The following EFCAB5 variants were observed in gnomAD, a reference collection of about 807,000 sequenced individuals.
The protein encoded by EFCAB5 is EF-hand calcium-binding domain-containing protein 5.
In EFCAB5, 131 loss-of-function variants were observed where a neutral mutation model predicts 167.9. The ratio of observed to expected loss-of-function variants is 0.78; its 90% CI spans 0.68 to 0.90. EFCAB5 has a LOEUF of 0.90. Ranked by LOEUF, EFCAB5 falls within the 40% of genes least tolerant of loss-of-function variation. The pLI, the probability that EFCAB5 is intolerant of heterozygous loss-of-function variation, is 0.00. For missense variants in EFCAB5, 1,663 were observed against 1,745.2 expected (o/e 0.95, Z 0.84); for synonymous variants, 574 against 602.8 (o/e 0.95, Z 0.70).
chr17:30,014,853 G>A lies in EFCAB5; in HGVS notation c.1044+14877G>A, dbSNP rs1414703419. 4.6e-5 allele frequency among the ~76,000 whole-genome samples: 7 copies of A among 152,232 alleles called. No homozygotes were observed. The East Asian group carries it at 1.3e-3, about 29-fold the overall frequency. ...TGATCCTGTCATTATGATGTTAGCT[G>A]GTTATGTTGCCTGTTAGTTGATGCA... On this transcript the variant is annotated intron_variant, in intron 7 of 22. Transcript: ENST00000394835.
In EFCAB5 at chr17:30,092,078, T is replaced by C. The variant is rs374351955; in HGVS notation, c.4145T>C (p.Ile1382Thr). 13 of 1,613,876 alleles carry C rather than the reference T, an allele frequency of 8.1e-6. No individual in the cohort carries two copies. In the African/African-American group the frequency reaches 1.3e-4, roughly 17 times the overall value. The change falls in exon 21 of 23, where the codon ATC becomes ACC. Residue 1382 changes from isoleucine (I) to threonine (T), a missense_variant. Coordinates refer to ENST00000394835, the MANE Select transcript of EFCAB5 (RefSeq NM_198529.4). Reference protein sequence around the residue: ...LEANVKLVRDILKAVILFFHP... With the variant: ...LEANVKLVRDTLKAVILFFHP... ...GCCAACGTGAAACTAGTGCGTGACA[T>C]CCTGAAGGCGGTTATCTTGTTCTTT...
At chr17:29,985,717 T>C (rs571227564) in intron 4 of EFCAB5, among the ~76,000 whole-genome samples, 9 of 152,312 alleles carry the variant, frequency 5.9e-5, no homozygotes, top group African/African-American at 2.2e-4. Flanking sequence ...AGGAACGCCT[T>C]AGGTGGTTTT....
At chr17:30,077,638 G>A (rs548479335) in intron 14 of EFCAB5, among the ~76,000 whole-genome samples, 1 of 152,276 alleles carries the variant, frequency 6.6e-6, no homozygotes, top group South Asian at 2.1e-4. Context: ...CATGGACAGG[G>A]ACCATGAGTA....
At chr17:30,016,187 T>C (rs997031587) in intron 7 of EFCAB5, among the ~76,000 whole-genome samples, 10 of 152,226 alleles carry the variant, frequency 6.6e-5, no homozygotes, top group Non-Finnish European at 5.9e-5. Context: ...ACTTTCTTGA[T>C]GGTGTTATCT....
Position 30,080,182 on chromosome 17 carries a change from C to T in EFCAB5, c.3138C>T (p.Thr1046=), listed in dbSNP as rs1567764727. 6.2e-7 allele frequency: 1 copy of T among 1,613,622 alleles called. No homozygotes were observed. The part of the protein sequence containing the change: ...GNVLLRNVAC[T]LDDAQFVLNR... ...TTCTATTGAGGAATGTGGCTTGTAC[C>T]TTAGATGATGCTCAATTTGTACTGA... The change falls in exon 16 of 23, where the codon ACC becomes ACT. Residue 1046 remains threonine, a synonymous_variant. Transcript: ENST00000394835.
chr17:30,035,407 T>C (rs185824531), intron 8 of EFCAB5, among the ~76,000 whole-genome samples: 2 of 152,372 alleles, frequency 1.3e-5, no homozygotes, highest in Admixed American at 6.5e-5. Context: ...GCAGTAGTTA[T>C]ATGCTGATAT....
At chr17:30,049,758 A>G (rs1193408473) in intron 8 of EFCAB5, among the ~76,000 whole-genome samples, 1 of 152,236 alleles carries the variant, frequency 6.6e-6, no homozygotes. Flanking sequence ...CTGTCATTCA[A>G]TGCTGGCAAG....
chr17:29,966,774 G>A (rs1429977030), intron 3 of EFCAB5, among the ~76,000 whole-genome samples: 2 of 152,064 alleles, frequency 1.3e-5, no homozygotes, highest in Non-Finnish European at 2.9e-5. Context: ...CTTGAGTGTG[G>A]AGTATCTACA....
chr17:30,099,250 C>G (rs62070305), intron 22 of EFCAB5, among the ~76,000 whole-genome samples: 2,534 of 152,230 alleles, frequency 0.017, 31 homozygotes, highest in Middle Eastern at 0.031. Context: ...TTGCTGTTGA[C>G]AGCCTGGGCA....
intron 4 of EFCAB5, 39 bp from the exon 5 acceptor site, chr17:29,993,126 G>C: frequency 6.5e-7 from 1 of 1,545,098 alleles, no homozygotes; most frequent in Non-Finnish European, 8.7e-7. Flanking sequence ...AAATCCAAGG[G>C]TATTAACTCA....
intron 13 of EFCAB5, among the ~76,000 whole-genome samples, chr17:30,058,711 A>G (rs1001971635): frequency 1.3e-5 from 2 of 152,034 alleles, no homozygotes; most frequent in African/African-American, 2.4e-5. Flanking sequence ...CACTCAAAAC[A>G]TATCCCTTAG....
intron 7 of EFCAB5, among the ~76,000 whole-genome samples, chr17:30,023,814 A>G (rs1417513128): frequency 2.0e-5 from 3 of 152,204 alleles, no homozygotes; most frequent in Non-Finnish European, 4.4e-5. Flanking sequence ...CCAGCAACAC[A>G]TCAAAAAGCT....
intron 1 of EFCAB5, among the ~76,000 whole-genome samples, chr17:29,935,044 A>G (rs758765193): frequency 1.3e-5 from 2 of 152,156 alleles, no homozygotes; most frequent in Non-Finnish European, 2.9e-5. Flanking sequence ...GACACAAGAA[A>G]TCATGGTCCT....
At chr17:30,066,572 A>C (rs2070577819) in intron 14 of EFCAB5, among the ~76,000 whole-genome samples, 1 of 152,146 alleles carries the variant, frequency 6.6e-6, no homozygotes, top group Non-Finnish European at 1.5e-5. Flanking sequence ...AATTGTAGAA[A>C]GCTTTCAAAT....
At chr17:30,002,403 A>C (rs1228519559) in intron 7 of EFCAB5, among the ~76,000 whole-genome samples, 2 of 152,242 alleles carry the variant, frequency 1.3e-5, no homozygotes, top group Non-Finnish European at 2.9e-5. Flanking sequence ...ATTAAGATAC[A>C]AAACTATTTC....
intron 9 of EFCAB5, among the ~76,000 whole-genome samples, chr17:30,052,564 A>T (rs1424580227): frequency 6.6e-6 from 1 of 152,216 alleles, no homozygotes; most frequent in African/African-American, 2.4e-5. Context: ...AATTGTGAGA[A>T]TTGCAATTTT....
intron 22 of EFCAB5, among the ~76,000 whole-genome samples, chr17:30,103,787 C>T (rs986707707): frequency 3.3e-5 from 5 of 152,054 alleles, no homozygotes; most frequent in African/African-American, 7.2e-5. Flanking sequence ...GGCCAAGGCA[C>T]GTGGATCACC....
rs1398740753 is a variant in EFCAB5, at chr17:30,092,827, T to C, written c.4225-13T>C. On this transcript the variant is annotated splice_polypyrimidine_tract_variant and intron_variant, in intron 21 of 22. Coordinates refer to ENST00000394835, the MANE Select transcript of EFCAB5 (RefSeq NM_198529.4). ...GGTGATCCCATAAATTTTCTCTTGT[T>C]GTTTGTTCACAGTATGTTAACAAAT... is the stretch of plus-strand genomic sequence containing the variant. The C allele has an allele frequency of 1.3e-6, 2 of 1,596,740 alleles. No individual in the cohort carries two copies. Among genetic ancestry groups the C allele is most frequent in the Non-Finnish European group, 1.7e-6 (2 of 1,169,836 alleles).
At chr17:30,101,533 A>G (rs944300804) in intron 22 of EFCAB5, among the ~76,000 whole-genome samples, 3 of 152,224 alleles carry the variant, frequency 2.0e-5, no homozygotes, top group Admixed American at 1.3e-4. Flanking sequence ...TCTATTAGAT[A>G]TGGAAGTAGA....
Sources: allele counts gnomAD v4.1 joint callset (sites outside exome capture counted in the v4.1 genomes callset), GRCh38; gene constraint gnomAD v4.1.1; transcripts MANE v1.5; gene names NCBI Gene and HGNC (gene_info 2026-07-23, HGNC 2026-07-21).